Variants in PLEKHH2 observed in about 807,000 individuals in gnomAD.
The protein encoded by PLEKHH2 is pleckstrin homology domain-containing family H member 2.
In PLEKHH2, 129 loss-of-function variants were observed where a neutral mutation model predicts 187.9. That is an observed-to-expected ratio of 0.69 (90% CI 0.59 to 0.79). The LOEUF is 0.79. Among genes scored for constraint, PLEKHH2 ranks in the 30% least tolerant of loss-of-function variants. The probability of loss-of-function intolerance (pLI) is 0.00; values close to 1 mark genes in which losing one functional copy is unlikely to be tolerated. For missense variants in PLEKHH2, 2,076 were observed against 1,751.2 expected (o/e 1.19, Z -3.31); for synonymous variants, 686 against 605.6 (o/e 1.13, Z -1.95).
rs747365977 is a variant in PLEKHH2, at chr2:43,726,348, A to T, written c.2618A>T (p.Tyr873Phe). 1.2e-6 allele frequency: 2 copies of T among 1,611,570 alleles called. No homozygotes were observed. The highest frequency in any genetic ancestry group is 2.7e-5 in the African/African-American group (2 of 74,880). ...AGATCTTGTGATTCAGATGAAGATT[A>T]TGAAGCCAGTGGACGAAGTCTGTTA... ...VDRSCDSDED[Y>F]EASGRSLLST... is the part of the protein sequence containing the mutation. The change falls in exon 17 of 30, where the codon TAT becomes TTT. Residue 873 changes from tyrosine (Y) to phenylalanine (F), a missense_variant. Tyr to Phe is a conservative substitution (Grantham distance 22). Transcript: ENST00000282406.
chr2:43,726,124 C>CAAA (rs3066315), intron 16 of PLEKHH2, 148 bp from the exon 17 acceptor site: 30 of 460,782 alleles, frequency 6.5e-5, no homozygotes, highest in Middle Eastern at 5.8e-4. Flanking sequence ...AACCCTGTCT[C>CAAA]AAAAAAAAAA....
At chr2:43,649,390 T>C (rs1203065788) in intron 2 of PLEKHH2, among the ~76,000 whole-genome samples, 1 of 152,252 alleles carries the variant, frequency 6.6e-6, no homozygotes, top group African/African-American at 2.4e-5. Flanking sequence ...ATTTTCCCTT[T>C]GGACATCAGC....
chr2:43,701,829 G>A (rs1026260671), intron 8 of PLEKHH2, among the ~76,000 whole-genome samples: 28 of 147,736 alleles, frequency 1.9e-4, no homozygotes, highest in African/African-American at 6.0e-4. Context: ...GTGCAATGGC[G>A]CCATCTCAGC....
intron 8 of PLEKHH2, among the ~76,000 whole-genome samples, chr2:43,702,527 C>CTTTTTTTTTTTTTTTTTTTTTTTTCT (rs1167078689): frequency 5.2e-5 from 3 of 57,418 alleles, no homozygotes; most frequent in Non-Finnish European, 9.1e-5. Flanking sequence ...CATTCTACTA[C>CTTTTTTTTTTTTTTTTTTTTTTTTCT]TTTTTTTTTT....
chr2:43,703,944 T>C, intron 8 of PLEKHH2, 37 bp from the exon 9 acceptor site: 1 of 580,160 alleles, frequency 1.7e-6, no homozygotes, highest in Non-Finnish European at 2.8e-6. Context: ...TTTTTTTTGC[T>C]TTAAATACCC....
In PLEKHH2 at chr2:43,738,357, T is replaced by G; in HGVS notation, c.2960T>G (p.Ile987Arg). The G allele has an allele frequency of 6.2e-7, 1 of 1,609,272 alleles. No individual in the cohort carries two copies. The highest frequency in any genetic ancestry group is 8.5e-7 in the Non-Finnish European group (1 of 1,176,796). Residue 987 changes from isoleucine (I) to arginine (R), a missense_variant, in exon 20 of 30, where the codon ATA (isoleucine) becomes AGA (arginine). Physicochemically the swap from Ile to Arg is moderately conservative, Grantham distance 97 (BLOSUM62 -3). Transcript: ENST00000282406. ...IKLFKTCQLF[I>R]NAAVDSPAID... ...TTAATTCAGACCTGCCAGCTTTTTA[T>G]AAATGCTGCAGTTGACTCTCCTGCA...
rs751873704 is a variant in PLEKHH2, at chr2:43,726,410, C to A, written c.2680C>A (p.Gln894Lys). The A allele has an allele frequency of 6.2e-7, 1 of 1,611,848 alleles. No individual in the cohort carries two copies. The highest frequency in any genetic ancestry group is 1.7e-5 in the Admixed American group (1 of 59,990). ...TACTATCGTTATCCATCCCAAAGAC[C>A]AAGGTCCAACTTACCTCCTAATTGG... ...HYTIVIHPKD[Q>K]GPTYLLIGSK... The change falls in exon 17 of 30, where the codon CAA (glutamine) becomes AAA (lysine). Residue 894 changes from glutamine (Q) to lysine (K), a missense_variant. Transcript: ENST00000282406.
At chr2:43,645,293 G>T (rs1666131712) in intron 2 of PLEKHH2, among the ~76,000 whole-genome samples, 1 of 152,046 alleles carries the variant, frequency 6.6e-6, no homozygotes, top group Admixed American at 6.6e-5. Context: ...CATGTAATTA[G>T]AATTTCATTT....
chr2:43,744,153 C>T (rs12151633), intron 23 of PLEKHH2, 164 bp downstream of exon 23: 112,647 of 1,361,162 alleles, frequency 0.083, 6,638 homozygotes, highest in African/African-American at 0.27. Context: ...TTTGTTAAAC[C>T]CATAGAATTC....
chr2:43,741,176 TG>T lies in PLEKHH2; in HGVS notation c.3221+135del. The T allele has an allele frequency of 4.3e-6, 3 of 698,244 alleles. No individual in the cohort carries two copies. The South Asian group carries it at 9.3e-5, about 22-fold the overall frequency. The allele number at this position is 698,244 out of a possible 1,614,324, so 43.3% of individuals were successfully genotyped here. A position where few individuals can be genotyped will look rare whatever the true frequency, so the allele number is the denominator to read the frequency against. Reference sequence around the variant, plus strand: ...AACAAATATTGGTACAGGAAGCCTTTGGTTATCATTGATGTGGAGCTAGGAA... The same window carrying T: ...AACAAATATTGGTACAGGAAGCCTTTGTTATCATTGATGTGGAGCTAGGAA... On this transcript the variant is annotated intron_variant, in intron 21 of 29. Coordinates refer to ENST00000282406, the MANE Select transcript of PLEKHH2 (RefSeq NM_172069.4).
intron 26 of PLEKHH2, 37 bp from the exon 27 acceptor site, chr2:43,758,863 T>A: frequency 6.5e-7 from 1 of 1,527,572 alleles, no homozygotes; most frequent in Non-Finnish European, 8.8e-7. Flanking sequence ...TGTTTTTGCT[T>A]TAGTGTTTTT....
chr2:43,725,361 G>T (rs943413092), intron 16 of PLEKHH2, among the ~76,000 whole-genome samples: 1 of 152,114 alleles, frequency 6.6e-6, no homozygotes, highest in African/African-American at 2.4e-5. Flanking sequence ...GCTTATTAAG[G>T]CCCACTGTTT....
chr2:43,710,847 G>C (rs978624596), intron 14 of PLEKHH2: 1 of 1,200,754 alleles, frequency 8.3e-7, no homozygotes. Context: ...GGTATTTTCA[G>C]CTGTCCAACT....
Position 43,700,448 on chromosome 2 carries a change from C to T in PLEKHH2, c.1490C>T (p.Thr497Ile), listed in dbSNP as rs1344540412. ...TDLDLVDGDSTEVLENMDTSC... is the reference protein window; with the variant it reads ...TDLDLVDGDSIEVLENMDTSC... ...CTTGATCTAGTTGATGGAGACAGTA[C>T]AGAAGTTTTAGAGAATATGGACACG... Residue 497 changes from threonine to isoleucine, a missense_variant, in exon 8 of 30, where the codon ACA (threonine) becomes ATA (isoleucine). Thr to Ile is a moderately conservative substitution (Grantham distance 89). Coordinates refer to ENST00000282406, the MANE Select transcript of PLEKHH2 (RefSeq NM_172069.4). 7 of 1,613,970 alleles carry T rather than the reference C, an allele frequency of 4.3e-6. No homozygotes were observed. The highest frequency in any genetic ancestry group is 5.9e-6 in the Non-Finnish European group (7 of 1,179,990).
At chr2:43,731,709 C>A (rs1240147250) in intron 19 of PLEKHH2, 107 bp downstream of exon 19, 3 of 663,708 alleles carry the variant, frequency 4.5e-6, no homozygotes, top group Non-Finnish European at 4.9e-6. Flanking sequence ...AATTTTACTC[C>A]AAGAAAATTC....
chr2:43,681,517 G>A (rs1226454301), intron 3 of PLEKHH2: 23 of 1,524,248 alleles, frequency 1.5e-5, no homozygotes, highest in Non-Finnish European at 2.0e-5. Flanking sequence ...TTGTGCAGCT[G>A]GCCAGAAATG....
chr2:43,678,698 T>G (rs1233673412), intron 2 of PLEKHH2, among the ~76,000 whole-genome samples, 165 bp from the exon 3 acceptor site: 1 of 148,272 alleles, frequency 6.7e-6, no homozygotes, highest in Non-Finnish European at 1.5e-5. Flanking sequence ...AGGGAGACCA[T>G]GGAAAGAGAG....
chr2:43,740,341 G>A (rs1671504996), intron 20 of PLEKHH2, among the ~76,000 whole-genome samples: 1 of 152,126 alleles, frequency 6.6e-6, no homozygotes, highest in African/African-American at 2.4e-5. Context: ...TAGTGGTTGA[G>A]CATTAACCAC....
At chr2:43,736,448 G>A (rs1439041790) in intron 19 of PLEKHH2, among the ~76,000 whole-genome samples, 1 of 152,204 alleles carries the variant, frequency 6.6e-6, no homozygotes, top group Non-Finnish European at 1.5e-5. Flanking sequence ...ATTCAAGACT[G>A]CTGTGCAGAG....
Sources: allele counts gnomAD v4.1 joint callset (sites outside exome capture counted in the v4.1 genomes callset), GRCh38; gene constraint gnomAD v4.1.1; transcripts MANE v1.5; gene names NCBI Gene and HGNC (gene_info 2026-07-23, HGNC 2026-07-21).